The following TMEM232 variants were observed in gnomAD, a reference collection of about 807,000 sequenced individuals.
TMEM232 encodes the protein transmembrane protein 232.
In TMEM232, 80 loss-of-function variants were observed where a neutral mutation model predicts 78.8. The ratio of observed to expected loss-of-function variants is 1.01; its 90% CI spans 0.85 to 1.22. The LOEUF (loss-of-function observed/expected upper bound fraction) is 1.22. Among genes scored for constraint, TMEM232 ranks in the 50% most tolerant of loss-of-function variants. TMEM232 has a pLI of 0.00. For synonymous variants in TMEM232, 297 were observed against 254.3 expected (o/e 1.17, Z -1.60); for missense variants, 881 against 742.2 (o/e 1.19, Z -2.17).
chr5:110,729,978 TGTTTC>T (rs1315431694), upstream of TMEM232, among the ~76,000 whole-genome samples: 7 of 152,220 alleles, frequency 4.6e-5, no homozygotes, highest in Admixed American at 4.6e-4. Context: ...CATCCTTCAA[TGTTTC>T]CTTAGCATTC....
At chr5:110,611,644 C>T (rs999229536) in intron 8 of TMEM232, among the ~76,000 whole-genome samples, 5 of 152,066 alleles carry the variant, frequency 3.3e-5, no homozygotes, top group African/African-American at 9.7e-5. Context: ...TTATGAGACA[C>T]TGATTGGGGC....
chr5:110,492,877 T>G (rs1195416709), intron 12 of TMEM232, among the ~76,000 whole-genome samples: 4 of 152,018 alleles, frequency 2.6e-5, no homozygotes, highest in Admixed American at 6.6e-5. Context: ...CATTTACTGA[T>G]TATAAGTTAA....
At chr5:110,570,619 GGTGA>G (rs570229037) in intron 10 of TMEM232, among the ~76,000 whole-genome samples, 6 of 151,870 alleles carry the variant, frequency 4.0e-5, no homozygotes, top group Admixed American at 6.6e-5. Context: ...GAAGATATTG[GGTGA>G]GTATTTCAAA....
intron 2 of TMEM232, among the ~76,000 whole-genome samples, chr5:110,405,803 T>G (rs1755769922): frequency 1.3e-5 from 2 of 149,408 alleles, no homozygotes; most frequent in South Asian, 4.2e-4. Flanking sequence ...TTTAGCACGC[T>G]TGTATTTGGA....
At chr5:110,529,550 C>A (rs532763181) in intron 11 of TMEM232, among the ~76,000 whole-genome samples, 2 of 152,046 alleles carry the variant, frequency 1.3e-5, no homozygotes, top group East Asian at 1.9e-4. Flanking sequence ...CCCGGCCAAA[C>A]AGAACATTTT....
chr5:110,499,516 A>C (rs1428334068), intron 12 of TMEM232, among the ~76,000 whole-genome samples: 2 of 152,104 alleles, frequency 1.3e-5, no homozygotes, highest in African/African-American at 4.8e-5. Context: ...TCAGCCTTCC[A>C]AAGTGCCAGG....
chr5:110,647,279 C>G (rs1787629016), intron 2 of TMEM232, among the ~76,000 whole-genome samples: 1 of 151,790 alleles, frequency 6.6e-6, no homozygotes, highest in South Asian at 2.1e-4. Flanking sequence ...TAGTTTGTGC[C>G]AATCTTGTCA....
chr5:110,736,918 C>G (rs1175090970), intron 1 of TMEM232, among the ~76,000 whole-genome samples: 1 of 151,780 alleles, frequency 6.6e-6, no homozygotes. Flanking sequence ...AAAACTTCTC[C>G]CACATATTCA....
At chr5:110,389,192 C>T (rs373121066) in intron 4 of TMEM232, among the ~76,000 whole-genome samples, 40 of 151,926 alleles carry the variant, frequency 2.6e-4, no homozygotes, top group African/African-American at 8.7e-4. Context: ...ACCTAGGAGG[C>T]GGAGGCTGCA....
At chr5:110,677,979 G>T (rs1404051976) in intron 1 of TMEM232, among the ~76,000 whole-genome samples, 1 of 148,544 alleles carries the variant, frequency 6.7e-6, no homozygotes, top group Non-Finnish European at 1.5e-5. Context: ...AAAGATTACT[G>T]GTCACATTAA....
In TMEM232 at chr5:110,393,576, C is replaced by G. The variant is rs114512427; in HGVS notation, n.391-2936G>C. Among the ~76,000 whole-genome samples the G allele has an allele frequency of 3.9e-3, 596 of 152,154 alleles. 4 individuals carry two copies. Among genetic ancestry groups the G allele is most frequent in the African/African-American group, 0.013 (544 of 41,514 alleles). ...ATATAATTGAAACTTGCCTTTTAAT[C>G]CAATACAACTTTTTAAATCCATAAC... is the stretch of plus-strand genomic sequence containing the variant. On this transcript the variant is annotated intron_variant and non_coding_transcript_variant, in intron 3 of 8. Coordinates refer to the TMEM232 transcript ENST00000507188.
upstream of TMEM232, among the ~76,000 whole-genome samples, chr5:110,727,285 A>G (rs190328712): frequency 1.9e-4 from 29 of 152,330 alleles, no homozygotes; most frequent in Middle Eastern, 3.4e-3. Context: ...GTAAAATACT[A>G]TATGGAAGAA....
At chr5:110,421,220 T>C (rs1240398843) in intron 13 of TMEM232, among the ~76,000 whole-genome samples, 3 of 152,096 alleles carry the variant, frequency 2.0e-5, no homozygotes, top group Admixed American at 1.3e-4. Flanking sequence ...ATGCATACTA[T>C]GCAGAAGGCC....
At position 110,568,450 on chromosome 5, in the gene TMEM232, A is replaced by G; in HGVS notation, c.1452T>C (p.Ala484=). 1.3e-6 allele frequency: 2 copies of G among 1,543,870 alleles called. No individual in the cohort carries two copies. The highest frequency in any genetic ancestry group is 1.2e-5 in the South Asian group (1 of 82,842). ...DVRIQNAINI[A]QAELNDPTDP... ...ATTGCCCAGTGTTTTACCTTACCTG[A>G]GCTATATTGATTGCATTTTGGATTC... The change falls in exon 11 of 14, where the codon GCT becomes GCC. Residue 484 remains alanine (A), a synonymous_variant. Coordinates refer to ENST00000455884, the MANE Select transcript of TMEM232 (RefSeq NM_001039763.4).
chr5:110,393,755 C>T (rs940262739), intron 3 of TMEM232, among the ~76,000 whole-genome samples: 2 of 151,726 alleles, frequency 1.3e-5, no homozygotes, highest in African/African-American at 4.8e-5. Flanking sequence ...TCAGGAGTTT[C>T]TGAGCAGCCT....
chr5:110,473,784 C>A (rs1202744029), intron 12 of TMEM232, among the ~76,000 whole-genome samples: 2 of 147,028 alleles, frequency 1.4e-5, no homozygotes, highest in African/African-American at 2.5e-5. Flanking sequence ...AATATATATA[C>A]CCAATGGAAT....
At chr5:110,510,221 T>C (rs1184508479) in intron 12 of TMEM232, among the ~76,000 whole-genome samples, 1 of 152,156 alleles carries the variant, frequency 6.6e-6, no homozygotes, top group Admixed American at 6.5e-5. Context: ...GCCTACTTAA[T>C]ATCTCCACTG....
chr5:110,681,253 C>T (rs1242814564), intron 1 of TMEM232, among the ~76,000 whole-genome samples: 1 of 152,086 alleles, frequency 6.6e-6, no homozygotes, highest in Non-Finnish European at 1.5e-5. Context: ...CCCAGTGATG[C>T]CTGCAAGGAT....
intron 1 of TMEM232, among the ~76,000 whole-genome samples, chr5:110,736,496 T>A (rs1263344548): frequency 6.6e-6 from 1 of 152,204 alleles, no homozygotes. Context: ...AGTAGAATTT[T>A]TAAAAGGTAA....
Sources: allele counts gnomAD v4.1 joint callset (sites outside exome capture counted in the v4.1 genomes callset), GRCh38; gene constraint gnomAD v4.1.1; transcripts MANE v1.5; gene names NCBI Gene and HGNC (gene_info 2026-07-23, HGNC 2026-07-21).